KLF12: variants seen among roughly 807,000 people sequenced by gnomAD.
KLF12 encodes the protein KLF transcription factor 12, also known as Krueppel-like factor 12.
Under a neutral mutation model 37.8 loss-of-function variants are expected in KLF12, and 9 were observed. The observed-to-expected ratio is 0.24, with a 90% CI of 0.14 to 0.42. KLF12 has a LOEUF of 0.42. Among genes scored for constraint, KLF12 ranks in the 10% least tolerant of loss-of-function variants. The probability of loss-of-function intolerance (pLI) is 1.00; values close to 1 mark genes in which losing one functional copy is unlikely to be tolerated. For missense variants in KLF12, 411 were observed against 516.0 expected, an observed-to-expected ratio of 0.80 and a Z score of 1.97; for synonymous variants, 208 against 202.1, an observed-to-expected ratio of 1.03 and a Z score of -0.25.
the KLF12 span, among the ~76,000 whole-genome samples, chr13:74,178,884 A>AC: frequency 1.5e-4 from 23 of 152,046 alleles, 1 homozygote; most frequent in South Asian, 4.6e-3. Flanking sequence ...TTTTTGCCTC[A>AC]CCCCCAGTTT....
At chr13:73,718,970 T>G (rs1876023372) in intron 6 of KLF12, among the ~76,000 whole-genome samples, 1 of 152,172 alleles carries the variant, frequency 6.6e-6, no homozygotes, top group African/African-American at 2.4e-5. Flanking sequence ...TAAAAATAAT[T>G]TTTTAAAAGG....
intron 1 of KLF12, among the ~76,000 whole-genome samples, chr13:74,129,340 G>A (rs886854882): frequency 3.9e-5 from 6 of 152,102 alleles, no homozygotes; most frequent in African/African-American, 7.2e-5. Context: ...CACGAATAAA[G>A]AGGGCCAACT....
At chr13:74,017,258 TAAAAAAAAA>T (rs56321692) in intron 1 of KLF12, among the ~76,000 whole-genome samples, 1 of 45,590 alleles carries the variant, frequency 2.2e-5, no homozygotes, top group South Asian at 1.5e-3. Context: ...GCCCTCAACC[TAAAAAAAAA>T]AAAAAAAAAA....
the KLF12 span, chr13:74,257,211 C>T: frequency 6.6e-6 from 1 of 152,146 alleles, no homozygotes; most frequent in Non-Finnish European, 1.5e-5. Flanking sequence ...GTCCCAGGAC[C>T]TGGAAGCGGC....
intron 5 of KLF12, among the ~76,000 whole-genome samples, chr13:73,770,262 G>C (rs1880184468): frequency 6.6e-6 from 1 of 151,992 alleles, no homozygotes; most frequent in Admixed American, 6.6e-5. Flanking sequence ...TGATGATTTA[G>C]GTTACTCTAG....
chr13:73,715,219 A>G (rs1397335165), intron 7 of KLF12, 149 bp downstream of exon 7: 2 of 578,318 alleles, frequency 3.5e-6, no homozygotes, highest in South Asian at 6.2e-5. Context: ...TCTCTTTCTC[A>G]AGAGAGAGAG....
At position 73,931,509 on chromosome 13, in the gene KLF12, A is replaced by C. The variant is rs1279114843; in HGVS notation, c.123+12472T>G. On this transcript the variant is annotated intron_variant, in intron 3 of 7. Transcript: ENST00000377669. ...GTCAGAAGCTACTATGGCAAATAAA[A>C]TTTGAGAGGAGAAGAGCAAATTTAG... Among the ~76,000 whole-genome samples the C allele has an allele frequency of 2.0e-5, 3 of 150,544 alleles. No individual in the cohort carries two copies. In the Admixed American group the frequency reaches 2.0e-4, roughly 10 times the overall value.
chr13:73,948,259 T>C (rs1445205111), intron 2 of KLF12, among the ~76,000 whole-genome samples: 1 of 152,066 alleles, frequency 6.6e-6, no homozygotes, highest in Admixed American at 6.5e-5. Context: ...TCCCACTCTA[T>C]CACCCAGGCT....
intron 1 of KLF12, among the ~76,000 whole-genome samples, chr13:74,115,733 C>G (rs897421684): frequency 6.6e-6 from 1 of 151,540 alleles, no homozygotes; most frequent in Admixed American, 6.6e-5. Flanking sequence ...TTTTCCTTGC[C>G]TCTTGCAACC....
At chr13:74,287,640 T>C in the KLF12 span, among the ~76,000 whole-genome samples, 43 of 152,334 alleles carry the variant, frequency 2.8e-4, no homozygotes, top group South Asian at 8.9e-3. Flanking sequence ...GATTGCTATG[T>C]TTTTCTTTGA....
intron 5 of KLF12, among the ~76,000 whole-genome samples, chr13:73,793,657 C>G (rs978432651): frequency 2.6e-5 from 4 of 152,000 alleles, no homozygotes; most frequent in African/African-American, 9.7e-5. Flanking sequence ...TTTTATTGTG[C>G]CTCTTATAAA....
chr13:74,172,724 AC>A, the KLF12 span, among the ~76,000 whole-genome samples: 1 of 152,240 alleles, frequency 6.6e-6, no homozygotes, highest in African/African-American at 2.4e-5. Flanking sequence ...CTTTCCCCAT[AC>A]CACAGGCAAT....
intron 4 of KLF12, among the ~76,000 whole-genome samples, chr13:73,834,508 C>T (rs969177375): frequency 6.6e-5 from 10 of 152,136 alleles, no homozygotes; most frequent in African/African-American, 1.9e-4. Flanking sequence ...TTCATTTTAT[C>T]TTATTTTATT....
intron 7 of KLF12, among the ~76,000 whole-genome samples, chr13:73,699,580 A>G (rs1874399087): frequency 6.6e-6 from 1 of 152,172 alleles, no homozygotes; most frequent in Non-Finnish European, 1.5e-5. Flanking sequence ...CTGGTAACCA[A>G]AAGTAAGGAT....
At chr13:73,944,459 T>C (rs1040112104) in intron 2 of KLF12, among the ~76,000 whole-genome samples, 2 of 152,186 alleles carry the variant, frequency 1.3e-5, no homozygotes, top group Non-Finnish European at 2.9e-5. Context: ...AAGATATCCA[T>C]AAAGGAGAAA....
rs1005304798 is a variant in KLF12, at chr13:73,994,079, G to T, written c.33+911C>A. On this transcript the variant is annotated intron_variant, in intron 2 of 7. Transcript: ENST00000377669. Reference sequence around the variant, plus strand: ...TAAACACTTTACAAATACTAGAAAGGAGCAATTTTAGCAATGAGGATGGAA... The same window carrying T: ...TAAACACTTTACAAATACTAGAAAGTAGCAATTTTAGCAATGAGGATGGAA... Among the ~76,000 whole-genome samples the T allele has an allele frequency of 3.3e-5, 5 of 152,136 alleles. No individual in the cohort carries two copies. In the South Asian group the frequency reaches 1.0e-3, roughly 32 times the overall value.
chr13:74,147,916 T>C, the KLF12 span, among the ~76,000 whole-genome samples: 1 of 152,042 alleles, frequency 6.6e-6, no homozygotes, highest in Non-Finnish European at 1.5e-5. Flanking sequence ...CACTTCTTTT[T>C]TTTCTTTTTT....
intron 1 of KLF12, among the ~76,000 whole-genome samples, chr13:74,017,258 T>TAAAAAAAAAAAAA (rs56321692): frequency 2.2e-5 from 1 of 45,608 alleles, no homozygotes; most frequent in African/African-American, 8.8e-5. Context: ...GCCCTCAACC[T>TAAAAAAAAAAAAA]AAAAAAAAAA....
chr13:74,228,173 A>G, the KLF12 span, among the ~76,000 whole-genome samples: 226 of 152,254 alleles, frequency 1.5e-3, 1 homozygote, highest in Non-Finnish European at 2.4e-3. Context: ...AGAACTATCT[A>G]TGTCTGAGGA....
Sources: gnomAD v4.1 joint callset for allele counts (sites outside exome capture counted in the v4.1 genomes callset) on GRCh38, gnomAD v4.1.1 for gene constraint, MANE v1.5 for transcripts, NCBI Gene and HGNC (gene_info 2026-07-23, HGNC 2026-07-21) for gene names.